ADAM28: variants seen among roughly 807,000 people sequenced by gnomAD.
ADAM28 encodes ADAM metallopeptidase domain 28, also known as disintegrin and metalloproteinase domain-containing protein 28.
A neutral mutation model predicts 101.2 loss-of-function variants in ADAM28; 105 were observed. That is an observed-to-expected ratio of 1.04 (90% CI 0.89 to 1.22). The LOEUF (loss-of-function observed/expected upper bound fraction) is 1.22. ADAM28 is among the 50% of genes most tolerant of loss of function. The probability of loss-of-function intolerance (pLI) is 0.00; values close to 1 mark genes in which losing one functional copy is unlikely to be tolerated. For missense variants in ADAM28, 1,028 were observed against 945.4 expected (o/e 1.09, Z -1.15); for synonymous variants, 322 against 310.6 (o/e 1.04, Z -0.39).
At chr8:24,298,305 C>G (rs555942291) in intron 1 of ADAM28, among the ~76,000 whole-genome samples, 1 of 152,186 alleles carries the variant, frequency 6.6e-6, no homozygotes, top group African/African-American at 2.4e-5. Flanking sequence ...TTTAACACCC[C>G]ATTTTTGACT....
intron 11 of ADAM28, 138 bp from the exon 12 acceptor site, chr8:24,331,012 C>T: frequency 1.3e-6 from 1 of 762,100 alleles, no homozygotes; most frequent in Non-Finnish European, 2.0e-6. Context: ...CAAATGAGCT[C>T]ACGATCTGGC....
chr8:24,349,476 G>A (rs1563328456), intron 18 of ADAM28, among the ~76,000 whole-genome samples: 1 of 152,110 alleles, frequency 6.6e-6, no homozygotes, highest in African/African-American at 2.4e-5. Context: ...TATTTTCAAA[G>A]TTTTAGTTTC....
intron 2 of ADAM28, among the ~76,000 whole-genome samples, chr8:24,307,725 C>T (rs916442689): frequency 5.3e-5 from 8 of 152,168 alleles, no homozygotes; most frequent in African/African-American, 1.9e-4. Flanking sequence ...ATTCTAAAGA[C>T]AGTAACTATT....
chr8:24,350,261 A>ATATC (rs1485263622), intron 19 of ADAM28, among the ~76,000 whole-genome samples: 1 of 152,136 alleles, frequency 6.6e-6, no homozygotes, highest in Non-Finnish European at 1.5e-5. Context: ...TAAGAATATA[A>ATATC]TATCTAACAT....
intron 5 of ADAM28, among the ~76,000 whole-genome samples, chr8:24,311,700 T>A (rs1397047752): frequency 6.6e-6 from 1 of 152,150 alleles, no homozygotes; most frequent in Non-Finnish European, 1.5e-5. Context: ...AGTCAGAATC[T>A]TTAGGTAATG....
chr8:24,320,132 C>A (rs1811674279), intron 6 of ADAM28, 104 bp from the exon 7 acceptor site: 2 of 797,324 alleles, frequency 2.5e-6, no homozygotes, highest in Non-Finnish European at 4.2e-6. Flanking sequence ...TCTGCCTTTA[C>A]TCCAGATATC....
At chr8:24,351,455 A>G (rs1030062528) in intron 20 of ADAM28, 145 bp downstream of exon 20, 15 of 845,018 alleles carry the variant, frequency 1.8e-5, no homozygotes, top group Non-Finnish European at 3.0e-5. Context: ...CTTTTGTTAA[A>G]GGCAAAAGAG....
At chr8:24,352,080 A>G in intron 21 of ADAM28, 28 bp downstream of exon 21, 1 of 1,597,808 alleles carries the variant, frequency 6.3e-7, no homozygotes, top group African/African-American at 1.3e-5. Flanking sequence ...CTTAAATACC[A>G]CCCTAGTTCA....
chr8:24,323,854 T>C lies in ADAM28; in HGVS notation c.741T>C (p.Thr247=). Residue 247 remains threonine, a synonymous_variant, in exon 9 of 23, where the codon ACT becomes ACC. Transcript: ENST00000265769. ...GACAGCTTTATAAAAAGCTCAATAC[T>C]CATGTGGCCTTAGTTGGTATGGAAA... ...YVNMLYKKLN[T]HVALVGMEIW... is the part of the protein sequence containing the mutation. 1 of 1,611,600 alleles carries C rather than the reference T, an allele frequency of 6.2e-7. No homozygotes were observed. The highest frequency in any genetic ancestry group is 8.5e-7 in the Non-Finnish European group (1 of 1,178,468).
rs1816574265 is a variant in ADAM28 at position 24,354,909 on chromosome 8, T to TTGAGGTTTTCTACAATTTGGTATAAC, written c.*507_*532dup. 1 of 152,748 alleles carries TTGAGGTTTTCTACAATTTGGTATAAC rather than the reference T, an allele frequency of 6.5e-6. No homozygotes were observed. Among genetic ancestry groups the TTGAGGTTTTCTACAATTTGGTATAAC allele is most frequent in the South Asian group, 2.1e-4 (1 of 4,828 alleles). The allele number at this position is 152,748 out of a possible 1,614,324, so 9.5% of individuals were successfully genotyped here. On this transcript the variant is annotated 3_prime_UTR_variant, in exon 23 of 23. Transcript: ENST00000265769. ...CTGAAATCATTATTAGCTATATCAT[T>TTGAGGTTTTCTACAATTTGGTATAAC]TGAGGTTTTCTACAATTTGGTATAA...
intron 21 of ADAM28, among the ~76,000 whole-genome samples, chr8:24,353,550 A>G (rs996409503): frequency 7.9e-5 from 12 of 152,240 alleles, no homozygotes; most frequent in Admixed American, 5.9e-4. Context: ...CTGACAGGAA[A>G]AATATGGTGA....
At chr8:24,345,992 C>G (rs1171760900) in intron 18 of ADAM28, among the ~76,000 whole-genome samples, 1 of 151,962 alleles carries the variant, frequency 6.6e-6, no homozygotes, top group East Asian at 1.9e-4. Context: ...GGGTTCAGTG[C>G]CCTTTCAGTG....
chr8:24,328,921 C>CAAAAAAAA (rs36091498), intron 10 of ADAM28, among the ~76,000 whole-genome samples: 1 of 135,510 alleles, frequency 7.4e-6, no homozygotes, highest in African/African-American at 2.7e-5. Context: ...GACACAGTCT[C>CAAAAAAAA]AAAAAAAAAA....
At chr8:24,325,871 C>CAAAAGAAAAAA (rs1812476449) in intron 9 of ADAM28, among the ~76,000 whole-genome samples, 1 of 20,420 alleles carries the variant, frequency 4.9e-5, no homozygotes, top group African/African-American at 2.2e-4. Flanking sequence ...GTACAGATAG[C>CAAAAGAAAAAA]AAAAAAAAAA....
At chr8:24,297,885 A>T (rs1365982531) in intron 1 of ADAM28, among the ~76,000 whole-genome samples, 1 of 152,150 alleles carries the variant, frequency 6.6e-6, no homozygotes, top group Non-Finnish European at 1.5e-5. Context: ...TTTATAATTG[A>T]TGTTATTCTT....
rs374783247 is a variant in ADAM28, at chr8:24,339,510, G to A, written c.1612G>A (p.Gly538Arg). The change falls in exon 15 of 23, where the codon GGG becomes AGG. Residue 538 changes from glycine to arginine, a missense_variant. Physicochemically the swap from Gly to Arg is moderately radical, Grantham distance 125. Coordinates refer to ENST00000265769, the MANE Select transcript of ADAM28 (RefSeq NM_014265.6). ...GTCATGTTACAACAGGAATGAAGGT[G>A]GGTCAAAGTACGGGTACTGTCGCAG... ...DKSCYNRNEGGSKYGYCRRVD... is the reference protein window; with the variant it reads ...DKSCYNRNEGRSKYGYCRRVD... 2.5e-6 allele frequency: 4 copies of A among 1,613,316 alleles called. No individual in the cohort carries two copies. Among genetic ancestry groups the A allele is most frequent in the Non-Finnish European group, 3.4e-6 (4 of 1,179,662 alleles).
chr8:24,301,358 CT>C (rs1808738836), intron 2 of ADAM28, among the ~76,000 whole-genome samples: 1 of 151,950 alleles, frequency 6.6e-6, no homozygotes, highest in East Asian at 1.9e-4. Flanking sequence ...ACCTTTTTTC[CT>C]GTTGTGCATT....
At chr8:24,341,049 G>A (rs1351598099) in intron 15 of ADAM28, 1 of 152,292 alleles carries the variant, frequency 6.6e-6, no homozygotes, top group Non-Finnish European at 1.5e-5. Flanking sequence ...TGGAGACTTG[G>A]GCTTTCTTTT....
At chr8:24,317,590 A>C (rs1278992653) in intron 6 of ADAM28, among the ~76,000 whole-genome samples, 2 of 152,094 alleles carry the variant, frequency 1.3e-5, no homozygotes, top group Non-Finnish European at 2.9e-5. Flanking sequence ...CCTAAAAGAA[A>C]ATAGAGGGGA....
Sources: allele counts gnomAD v4.1 joint callset (sites outside exome capture counted in the v4.1 genomes callset), GRCh38; gene constraint gnomAD v4.1.1; transcripts MANE v1.5; gene names NCBI Gene and HGNC (gene_info 2026-07-23, HGNC 2026-07-21).